Variants in SH3RF2 observed in about 807,000 individuals in gnomAD.
SH3RF2 encodes SH3 domain containing ring finger 2.
In SH3RF2, 43 loss-of-function variants were observed where a neutral mutation model predicts 59.0. The ratio of observed to expected loss-of-function variants is 0.73; its 90% CI spans 0.57 to 0.94. The LOEUF (loss-of-function observed/expected upper bound fraction) is 0.94. Among genes scored for constraint, SH3RF2 ranks in the 40% least tolerant of loss-of-function variants. The probability of loss-of-function intolerance (pLI) is 0.00; values close to 1 mark genes in which losing one functional copy is unlikely to be tolerated. For missense variants in SH3RF2, 930 were observed against 940.1 expected (o/e 0.99, Z 0.14); for synonymous variants, 391 against 391.5 (o/e 1.00, Z 0.01).
At chr5:145,968,380 G>T (rs1580788212) in intron 2 of SH3RF2, among the ~76,000 whole-genome samples, 2 of 152,118 alleles carry the variant, frequency 1.3e-5, no homozygotes, top group Admixed American at 1.3e-4. Flanking sequence ...AAATGAGTTA[G>T]CTCTAAATAT....
intron 7 of SH3RF2, among the ~76,000 whole-genome samples, chr5:146,055,586 G>A (rs960379167): frequency 4.6e-5 from 7 of 152,194 alleles, no homozygotes; most frequent in Non-Finnish European, 1.0e-4. Flanking sequence ...TTGTGAAAAA[G>A]TCACTGACTC....
At position 146,073,898 on chromosome 5, in the gene SH3RF2, T is replaced by C. The variant is rs559329089; in HGVS notation, c.*34-4562T>C. Reference sequence around the variant, plus strand: ...ATTACGTAGGGTGGCCAGGGAAGGTTCTCCAAAGGGATGACATTCGAGTTG... The same window carrying C: ...ATTACGTAGGGTGGCCAGGGAAGGTCCTCCAAAGGGATGACATTCGAGTTG... On this transcript the variant is annotated intron_variant, in intron 9 of 9. Coordinates refer to the SH3RF2 transcript ENST00000511217. 5.3e-5 allele frequency among the ~76,000 whole-genome samples: 8 copies of C among 152,154 alleles called. No individual in the cohort carries two copies. The South Asian group carries it at 1.7e-3, about 32-fold the overall frequency.
At chr5:146,062,347 C>A in intron 9 of SH3RF2, 79 bp from the exon 10 acceptor site, 3 of 1,520,588 alleles carry the variant, frequency 2.0e-6, no homozygotes, top group South Asian at 2.5e-5. Flanking sequence ...ATAAATGAGA[C>A]ATTTCAAGTG....
intron 8 of SH3RF2, 51 bp from the exon 9 acceptor site, chr5:146,059,815 C>T: frequency 1.5e-6 from 2 of 1,353,474 alleles, no homozygotes; most frequent in Non-Finnish European, 1.9e-6. Flanking sequence ...CCCCACCCAA[C>T]CTACTGCCAG....
intron 2 of SH3RF2, among the ~76,000 whole-genome samples, chr5:145,941,933 T>C (rs41385544): frequency 0.1 from 15,180 of 152,196 alleles, 1,078 homozygotes; most frequent in East Asian, 0.26. Context: ...TACTTTCTAC[T>C]CTAAATTACA....
chr5:146,000,490 C>T (rs144337647), intron 3 of SH3RF2, among the ~76,000 whole-genome samples, 163 bp downstream of exon 3: 2,463 of 151,888 alleles, frequency 0.016, 27 homozygotes, highest in Non-Finnish European at 0.022. Flanking sequence ...GCATAAATTA[C>T]GTATGTATAT....
chr5:146,020,407 C>G (rs1053142442), intron 5 of SH3RF2, among the ~76,000 whole-genome samples: 6 of 152,170 alleles, frequency 3.9e-5, no homozygotes, highest in African/African-American at 1.4e-4. Flanking sequence ...CTGCATTATT[C>G]TGGGCAATGA....
At chr5:145,997,766 A>T in intron 2 of SH3RF2, 2 of 1,573,496 alleles carry the variant, frequency 1.3e-6, no homozygotes, top group East Asian at 4.5e-5. Context: ...AAAGCAGCAA[A>T]AAAAGAGTCA....
chr5:145,937,657 T>TTGAG (rs1402730448), intron 1 of SH3RF2, among the ~76,000 whole-genome samples, 166 bp from the exon 2 acceptor site: 1 of 152,084 alleles, frequency 6.6e-6, no homozygotes, highest in Non-Finnish European at 1.5e-5. Flanking sequence ...CAAGCACGAG[T>TTGAG]TGAGTCTTAT....
chr5:145,995,983 G>A (rs1760131753), intron 2 of SH3RF2, among the ~76,000 whole-genome samples: 1 of 152,122 alleles, frequency 6.6e-6, no homozygotes, highest in African/African-American at 2.4e-5. Flanking sequence ...ACAGCATTAT[G>A]TTAAACCCCC....
intron 6 of SH3RF2, among the ~76,000 whole-genome samples, chr5:146,048,272 C>T (rs1261626791): frequency 1.3e-5 from 2 of 151,892 alleles, no homozygotes; most frequent in African/African-American, 4.8e-5. Context: ...CTATGATCAT[C>T]CCACTGCTCT....
intron 9 of SH3RF2, among the ~76,000 whole-genome samples, chr5:146,068,836 T>C (rs1406592571): frequency 4.6e-5 from 7 of 152,234 alleles, no homozygotes; most frequent in Non-Finnish European, 5.9e-5. Flanking sequence ...TATTAAATGC[T>C]TCACACATAT....
At chr5:146,022,003 G>A (rs1761338888) in intron 5 of SH3RF2, among the ~76,000 whole-genome samples, 1 of 152,198 alleles carries the variant, frequency 6.6e-6, no homozygotes, top group Non-Finnish European at 1.5e-5. Flanking sequence ...AAATGTCTTA[G>A]CAATCAGTTG....
chr5:145,967,654 TTTTC>T (rs1344796360), intron 2 of SH3RF2, among the ~76,000 whole-genome samples: 9 of 152,156 alleles, frequency 5.9e-5, no homozygotes, highest in African/African-American at 1.9e-4. Context: ...TTATTTCTTT[TTTTC>T]TTTCTTTCTT....
At chr5:146,014,218 C>T (rs1403895016) in intron 5 of SH3RF2, among the ~76,000 whole-genome samples, 157 bp downstream of exon 5, 1 of 152,144 alleles carries the variant, frequency 6.6e-6, no homozygotes, top group Non-Finnish European at 1.5e-5. Context: ...TTGTATAAAC[C>T]TTTTATTTCA....
At chr5:145,956,361 C>T (rs968461212) in intron 2 of SH3RF2, among the ~76,000 whole-genome samples, 42 of 152,288 alleles carry the variant, frequency 2.8e-4, no homozygotes, top group African/African-American at 9.6e-4. Context: ...CTGCAACCTC[C>T]ACCTCCCAGG....
In SH3RF2 at chr5:146,055,119, A is replaced by G. The variant is rs570039287; in HGVS notation, c.1323-862A>G. ...AATCATAGCCCAAGGCTGAAGAATT[A>G]AAGTCTTATGGAGGCATGTGTAGGG... On this transcript the variant is annotated intron_variant, in intron 7 of 9. Coordinates refer to ENST00000359120, the MANE Select transcript of SH3RF2 (RefSeq NM_152550.4). 6.1e-4 allele frequency among the ~76,000 whole-genome samples: 93 copies of G among 152,372 alleles called. 2 individuals are homozygous for G. The South Asian group carries it at 0.019, about 31-fold the overall frequency.
chr5:145,940,791 A>C (rs17104054), intron 2 of SH3RF2, among the ~76,000 whole-genome samples: 32,093 of 152,154 alleles, frequency 0.21, 4,822 homozygotes, highest in African/African-American at 0.42. Flanking sequence ...GGAAGATGTC[A>C]TGTATAAAAA....
chr5:145,954,727 T>C lies in SH3RF2; in HGVS notation c.378+16421T>C, dbSNP rs1379797173. On this transcript the variant is annotated intron_variant, in intron 2 of 9. Transcript: ENST00000359120. ...AATGGATAATTTATAAGAAAAGAGG[T>C]TTAATTGGCTCATGGTTCTGCAGGC... Among the ~76,000 whole-genome samples, 3 of 152,054 alleles carry C rather than the reference T, an allele frequency of 2.0e-5. No individual in the cohort carries two copies. The South Asian group carries it at 6.2e-4, about 32-fold the overall frequency.
Sources: gnomAD v4.1 joint callset for allele counts (sites outside exome capture counted in the v4.1 genomes callset) on GRCh38, gnomAD v4.1.1 for gene constraint, MANE v1.5 for transcripts, NCBI Gene and HGNC (gene_info 2026-07-23, HGNC 2026-07-21) for gene names.